DYNC2H1: variants seen among roughly 807,000 people sequenced by gnomAD.
DYNC2H1 encodes the protein cytoplasmic dynein 2 heavy chain 1.
In DYNC2H1, 410 loss-of-function variants were observed where a neutral mutation model predicts 570.0. The observed-to-expected ratio is 0.72, with a 90% confidence interval of 0.66 to 0.78. The LOEUF (loss-of-function observed/expected upper bound fraction) is 0.78, where lower values mean the gene tolerates loss of function less well. Among genes scored for constraint, DYNC2H1 ranks in the 30% least tolerant of loss-of-function variants. The pLI is 0.00. For missense variants in DYNC2H1, 4,865 were observed against 5,046.4 expected (o/e 0.96, Z 1.09); for synonymous variants, 1,688 against 1,677.6 (o/e 1.01, Z -0.15).
rs1468458019 is a variant in DYNC2H1, at chr11:103,220,009, A to G, written c.8927A>G (p.Asp2976Gly). The G allele has an allele frequency of 4.1e-6, 6 of 1,462,942 alleles. No homozygotes were observed. The highest frequency in any genetic ancestry group is 1.5e-5 in the African/African-American group (1 of 66,852). 90.6% of individuals were successfully genotyped at this position (1,462,942 alleles called of 1,614,324 possible). ...GAAGAAAGAAAAAATAAAATTGATG[A>G]TGAATTAAAAGAAGTACAAGTAAGT... The part of the protein sequence containing the change: ...KIEERKNKID[D>G]ELKEVQPLVN... Residue 2976 changes from aspartate to glycine, a missense_variant, in exon 56 of 89, where the codon GAT becomes GGT. Around this residue, in one of 5 missense-constraint regions of DYNC2H1, gnomAD observed 2,401 missense variants for 2,454.6 expected, o/e 0.98. Coordinates refer to ENST00000375735, the MANE Select transcript of DYNC2H1 (RefSeq NM_001377.3).
intron 70 of DYNC2H1, among the ~76,000 whole-genome samples, chr11:103,265,288 T>A (rs1375725476): frequency 1.3e-5 from 2 of 152,188 alleles, no homozygotes; most frequent in Middle Eastern, 3.2e-3. Context: ...AGATGATGGG[T>A]TGATCGGTTT....
At chr11:103,278,159 T>G (rs1865983979) in intron 70 of DYNC2H1, among the ~76,000 whole-genome samples, 1 of 152,150 alleles carries the variant, frequency 6.6e-6, no homozygotes, top group Admixed American at 6.6e-5. Context: ...AATTAGTCTT[T>G]CATCTTCCAT....
chr11:103,146,009 A>G (rs1301129311), intron 18 of DYNC2H1, among the ~76,000 whole-genome samples: 1 of 152,184 alleles, frequency 6.6e-6, no homozygotes, highest in Admixed American at 6.5e-5. Flanking sequence ...ACATATCTTC[A>G]TGTATCAAGT....
intron 70 of DYNC2H1, among the ~76,000 whole-genome samples, chr11:103,260,981 T>C (rs1186753422): frequency 6.6e-6 from 1 of 151,996 alleles, no homozygotes; most frequent in Non-Finnish European, 1.5e-5. Context: ...TGTTGCAGAA[T>C]AGCTTTGTAA....
At chr11:103,246,640 G>C (rs1282728738) in intron 65 of DYNC2H1, among the ~76,000 whole-genome samples, 1 of 152,026 alleles carries the variant, frequency 6.6e-6, no homozygotes, top group African/African-American at 2.4e-5. Flanking sequence ...CGCAGGGTTG[G>C]ATGTATTCGT....
chr11:103,403,067 G>A (rs1026683875), intron 84 of DYNC2H1: 4 of 152,044 alleles, frequency 2.6e-5, no homozygotes, highest in Admixed American at 6.6e-5. Context: ...TAGGGATCAG[G>A]TTTGTCCTTT....
Position 103,189,936 on chromosome 11 carries a change from T to A in DYNC2H1, c.7437+120T>A. 9.8e-7 allele frequency: 1 copy of A among 1,023,732 alleles called. No individual in the cohort carries two copies. Among genetic ancestry groups the A allele is most frequent in the South Asian group, 1.9e-5 (1 of 53,254 alleles). 63.4% of individuals were successfully genotyped at this position (1,023,732 alleles called of 1,614,324 possible). On this transcript the variant is annotated intron_variant, in intron 45 of 88. Transcript: ENST00000375735. This position sits in a 1 kb window ranked among gnomAD's most constrained non-coding sequence, Gnocchi z 4.3. ...TACTTTCCTGTTTATTAGACTTTTC[T>A]AGTAGAGAGTAACTGTGAAGACAGG...
intron 83 of DYNC2H1, among the ~76,000 whole-genome samples, chr11:103,391,497 C>A (rs181667128): frequency 1.3e-5 from 2 of 152,342 alleles, no homozygotes; most frequent in East Asian, 3.9e-4. Context: ...TCTCTCAACT[C>A]GTCAAAGTCA....
intron 21 of DYNC2H1, 38 bp downstream of exon 21, chr11:103,152,323 T>C: frequency 6.5e-7 from 1 of 1,526,852 alleles, no homozygotes; most frequent in Non-Finnish European, 8.8e-7. Flanking sequence ...ATGGGAACTT[T>C]TTTCTTACTT....
At position 103,136,093 on chromosome 11, in the gene DYNC2H1, T is replaced by G. The variant is rs1307358903; in HGVS notation, c.2574+145T>G. On this transcript the variant is annotated intron_variant, in intron 17 of 88. Coordinates refer to ENST00000375735, the MANE Select transcript of DYNC2H1 (RefSeq NM_001377.3). Reference sequence around the variant, plus strand: ...GCAGAGAGCTGGATTCGTAGATACTTATACAACCTAGATTTATACTTCAGA... The same window carrying G: ...GCAGAGAGCTGGATTCGTAGATACTGATACAACCTAGATTTATACTTCAGA... The G allele has an allele frequency of 4.8e-6, 3 of 618,908 alleles. No individual in the cohort carries two copies. In the Admixed American group the frequency reaches 1.2e-4, roughly 25 times the overall value. 38.3% of individuals were successfully genotyped at this position (618,908 alleles called of 1,614,324 possible).
At chr11:103,195,660 T>C (rs1296078156) in intron 47 of DYNC2H1, among the ~76,000 whole-genome samples, 1 of 152,220 alleles carries the variant, frequency 6.6e-6, no homozygotes, top group African/African-American at 2.4e-5. Flanking sequence ...GAATAATCGT[T>C]TCTGAATCCA....
intron 8 of DYNC2H1, 41 bp downstream of exon 8, chr11:103,120,843 G>T: frequency 1.6e-6 from 2 of 1,221,566 alleles, no homozygotes; most frequent in Non-Finnish European, 2.1e-6. Context: ...TTTCTCTTAA[G>T]CTAATATATA....
At chr11:103,402,136 A>T (rs1414270981) in intron 84 of DYNC2H1, 1 of 152,138 alleles carries the variant, frequency 6.6e-6, no homozygotes, top group African/African-American at 2.4e-5. Context: ...ACCTTCTATT[A>T]GTCTGTGGTG....
intron 83 of DYNC2H1, among the ~76,000 whole-genome samples, chr11:103,385,998 T>A (rs1314818878): frequency 1.3e-5 from 2 of 152,210 alleles, no homozygotes; most frequent in Non-Finnish European, 2.9e-5. Flanking sequence ...ATAAGCAATC[T>A]GATCTAGAAT....
At position 103,170,525 on chromosome 11, in the gene DYNC2H1, T is replaced by C. The variant is rs575443406; in HGVS notation, c.5151+235T>C. ...ATACAGAATGAAGATTTATATTACA[T>C]TGAAGAAAAATGTTTTTAGTAAAGA... On this transcript the variant is annotated intron_variant, in intron 33 of 88. Transcript: ENST00000375735. This position sits in a 1 kb window ranked among gnomAD's most constrained non-coding sequence, Gnocchi z 4.8. 6.6e-5 allele frequency among the ~76,000 whole-genome samples: 10 copies of C among 152,310 alleles called. No homozygotes were observed. In the South Asian group the frequency reaches 1.9e-3, roughly 28 times the overall value.
In DYNC2H1 at chr11:103,439,486, A is replaced by G. The variant is rs1479810041; in HGVS notation, c.12456+3454A>G. ...TATTAAGGAATTATATTTTATCCTA[A>G]GGACAAAAGGTAACCATTGCAGCAT... On this transcript the variant is annotated intron_variant, in intron 85 of 88. Coordinates refer to ENST00000375735, the MANE Select transcript of DYNC2H1 (RefSeq NM_001377.3). The surrounding 1 kb of genome is among the most constrained non-coding windows in gnomAD (Gnocchi z 4.1). 6.6e-6 allele frequency among the ~76,000 whole-genome samples: 1 copy of G among 152,178 alleles called. No homozygotes were observed. The highest frequency in any genetic ancestry group is 6.6e-5 in the Admixed American group (1 of 15,266).
intron 81 of DYNC2H1, 144 bp downstream of exon 81, chr11:103,321,381 ATTCT>A (rs1938188541): frequency 2.1e-6 from 2 of 954,402 alleles, no homozygotes; most frequent in Non-Finnish European, 3.1e-6. Flanking sequence ...ATATGGCTTG[ATTCT>A]TTCAACTTTA....
chr11:103,294,353 G>A (rs1053987823), intron 75 of DYNC2H1, among the ~76,000 whole-genome samples: 2 of 152,058 alleles, frequency 1.3e-5, no homozygotes, highest in Non-Finnish European at 2.9e-5. Flanking sequence ...TATTCTTCTT[G>A]AGAGGGCTTT....
At chr11:103,184,443 T>A (rs1861983214) in intron 40 of DYNC2H1, among the ~76,000 whole-genome samples, 1 of 151,896 alleles carries the variant, frequency 6.6e-6, no homozygotes, top group South Asian at 2.1e-4. Context: ...AGTCCAGAAG[T>A]TTCATTTAAA....
Sources: gnomAD v4.1 joint callset for allele counts (sites outside exome capture counted in the v4.1 genomes callset) on GRCh38, gnomAD v4.1.1 for gene constraint, gnomAD v4.1.1 regional missense constraint, Gnocchi (gnomAD v3.1) non-coding constraint, MANE v1.5 for transcripts, NCBI Gene and HGNC (gene_info 2026-07-23, HGNC 2026-07-21) for gene names.